Variants in HASPIN observed in about 807,000 individuals in gnomAD.
The protein encoded by HASPIN is histone H3 associated protein kinase.
A neutral mutation model predicts 28.8 loss-of-function variants in HASPIN; 24 were observed. The observed-to-expected ratio is 0.83, with a 90% confidence interval of 0.60 to 1.17. HASPIN has a LOEUF of 1.17. HASPIN is among the 50% of genes most tolerant of loss of function. The pLI, the probability that HASPIN is intolerant of heterozygous loss-of-function variation, is 0.00. For synonymous variants in HASPIN, 440 were observed against 413.1 expected, an observed-to-expected ratio of 1.07 and a Z score of -0.79; for missense variants, 1,016 against 1,018.5, an observed-to-expected ratio of 1.00 and a Z score of 0.03.
rs1441482764 is a variant in HASPIN, at chr17:3,726,403, C to T, written c.*71C>T. 7 of 1,082,422 alleles carry T rather than the reference C, an allele frequency of 6.5e-6. No homozygotes were observed. The highest frequency in any genetic ancestry group is 4.6e-5 in the South Asian group (3 of 65,048). The allele number at this position is 1,082,422 out of a possible 1,614,324, so 67.1% of individuals were successfully genotyped here. A position where few individuals can be genotyped will look rare whatever the true frequency, so the allele number is the denominator to read the frequency against. On this transcript the variant is annotated 3_prime_UTR_variant, in exon 1 of 1. Transcript: ENST00000325418. The stretch of plus-strand genomic sequence containing the variant: ...AAGCCTCTGGTGCTGTTTCAACCTC[C>T]ATCCCCACAGGAGGGTGGAACTCCC...
chr17:3,724,234 G>A lies in HASPIN; in HGVS notation c.299G>A (p.Arg100His). The change falls in exon 1 of 1, where the codon CGC becomes CAC. Residue 100 changes from arginine to histidine, a missense_variant. Coordinates refer to ENST00000325418, the MANE Select transcript of HASPIN (RefSeq NM_031965.2). ...CCCAGCCTGACCGTGACCCCAAAGC[G>A]CTGGAAGCTGCGAGCTCGCCCAAGC... ...DRPSLTVTPK[R>H]WKLRARPSLT... The A allele has an allele frequency of 1.9e-6, 3 of 1,593,214 alleles. No individual in the cohort carries two copies. Among genetic ancestry groups the A allele is most frequent in the Non-Finnish European group, 2.5e-6 (3 of 1,177,202 alleles).
At position 3,724,569 on chromosome 17, in the gene HASPIN, C is replaced by T. The variant is rs1275210330; in HGVS notation, c.634C>T (p.Leu212=). 2 of 1,614,058 alleles carry T rather than the reference C, an allele frequency of 1.2e-6. No individual in the cohort carries two copies. Among genetic ancestry groups the T allele is most frequent in the African/African-American group, 1.3e-5 (1 of 74,928 alleles). The change falls in exon 1 of 1, where the codon CTG becomes TTG. Residue 212 remains leucine, a synonymous_variant. Coordinates refer to ENST00000325418, the MANE Select transcript of HASPIN (RefSeq NM_031965.2). ...CGGCCTCCACCTCCCAGAAGTCTCC[C>T]TGGACCGAGCATCTCTCCCCTGCTC... ...PSGLHLPEVS[L]DRASLPCSQE...
Position 3,724,116 on chromosome 17 carries a change from G to T in HASPIN, c.181G>T (p.Asp61Tyr). The change falls in exon 1 of 1, where the codon GAC becomes TAC. Residue 61 changes from aspartate to tyrosine, a missense_variant. Physicochemically the swap from Asp to Tyr is radical, Grantham distance 160. Transcript: ENST00000325418. ...CAGCATCGGCGACCCCTCGCAGTCC[G>T]ACGATCCTGACGATCCCGACGACCC... ...DASIGDPSQS[D>Y]DPDDPDDPDF... 1 of 1,593,812 alleles carries T rather than the reference G, an allele frequency of 6.3e-7. No individual in the cohort carries two copies.
At position 3,726,152 on chromosome 17, in the gene HASPIN, T is replaced by A. The variant is rs760804383; in HGVS notation, c.2217T>A (p.Tyr739Ter). The change falls in exon 1 of 1, where the codon TAT (tyrosine) becomes TAA (stop). Residue 739 changes from tyrosine (Y) to a stop codon, truncating the protein, a stop_gained. Transcript: ENST00000325418. LOFTEE classifies it high-confidence loss of function. ...NNNRWGEYHP[Y>*]SNVLWLHYLT... ...ACCGCTGGGGTGAATATCACCCTTA[T>A]AGTAATGTGCTCTGGTTACATTACC... The A allele has an allele frequency of 6.2e-7, 1 of 1,614,226 alleles. No homozygotes were observed. Among genetic ancestry groups the A allele is most frequent in the Non-Finnish European group, 8.5e-7 (1 of 1,180,034 alleles).
rs373236598 is a variant in HASPIN at position 3,726,026 on chromosome 17, G to T, written c.2091G>T (p.Gly697=). 6.2e-7 allele frequency: 1 copy of T among 1,614,132 alleles called. No individual in the cohort carries two copies. Among genetic ancestry groups the T allele is most frequent in the Non-Finnish European group, 8.5e-7 (1 of 1,180,040 alleles). Residue 697 remains glycine, a synonymous_variant, in exon 1 of 1, where the codon GGG becomes GGT. Coordinates refer to ENST00000325418, the MANE Select transcript of HASPIN (RefSeq NM_031965.2). The part of the protein sequence containing the change: ...DYTLSRLERD[G]IVVFCDVSMD... ...CCCTGTCGCGCTTGGAACGGGATGG[G>T]ATTGTGGTTTTCTGTGACGTTTCCA...
In HASPIN at chr17:3,726,283, A is replaced by T; in HGVS notation, c.2348A>T (p.Asn783Ile). Residue 783 changes from asparagine (N) to isoleucine (I), a missense_variant, in exon 1 of 1, where the codon AAC becomes ATC. Physicochemically the swap from Asn to Ile is moderately radical, Grantham distance 149. This residue lies in a region of HASPIN where 129 missense variants were observed against 156.2 expected (regional missense o/e 0.83). Coordinates refer to ENST00000325418, the MANE Select transcript of HASPIN (RefSeq NM_031965.2). The part of the protein sequence containing the change: ...KIQEFHRTML[N>I]FSSATDLLCQ... ...CAGGAGTTCCACAGGACAATGCTGA[A>T]CTTCAGCTCTGCCACTGACTTGCTC... 1 of 1,614,102 alleles carries T rather than the reference A, an allele frequency of 6.2e-7. No homozygotes were observed. The highest frequency in any genetic ancestry group is 1.3e-5 in the African/African-American group (1 of 75,050).
Position 3,724,788 on chromosome 17 carries a change from G to C in HASPIN, c.853G>C (p.Gly285Arg), listed in dbSNP as rs752049306. ...GGTGGGAAATGGACCAGAGGGTCCA[G>C]GTCTGTCAAGCACAGGCAAGAGGAG... ...LVVGNGPEGP[G>R]LSSTGKRRAT... is the part of the protein sequence containing the mutation. Residue 285 changes from glycine to arginine, a missense_variant, in exon 1 of 1, where the codon GGT becomes CGT. Around this residue, in one of 3 missense-constraint regions of HASPIN, gnomAD observed 881 missense variants for 845.5 expected, o/e 1.04. Coordinates refer to ENST00000325418, the MANE Select transcript of HASPIN (RefSeq NM_031965.2). 6.2e-7 allele frequency: 1 copy of C among 1,614,200 alleles called. No homozygotes were observed.
rs1359161397 is a variant in HASPIN at position 3,724,973 on chromosome 17, G to A, written c.1038G>A (p.Thr346=). The A allele has an allele frequency of 6.2e-7, 1 of 1,614,154 alleles. No homozygotes were observed. Among genetic ancestry groups the A allele is most frequent in the East Asian group, 2.2e-5 (1 of 44,894 alleles). The change falls in exon 1 of 1, where the codon ACG becomes ACA. Residue 346 remains threonine, a synonymous_variant. Transcript: ENST00000325418. The part of the protein sequence containing the change: ...SSRKSKHQEA[T]ETSLLHSHRF... ...GGAAGAGCAAACATCAGGAGGCAACGGAAACCTCTCTCCTCCATTCCCACC... is the reference window on the plus strand; with the variant it reads ...GGAAGAGCAAACATCAGGAGGCAACAGAAACCTCTCTCCTCCATTCCCACC...
In HASPIN at chr17:3,723,996, G is replaced by A. The variant is rs754421400; in HGVS notation, c.61G>A (p.Gly21Ser). The A allele has an allele frequency of 6.3e-7, 1 of 1,595,116 alleles. No individual in the cohort carries two copies. Among genetic ancestry groups the A allele is most frequent in the Non-Finnish European group, 8.5e-7 (1 of 1,173,722 alleles). ...TTTCCGCACATATGGGGCTGCGGAC[G>A]GCAGGAGACAGCGGCGGCCGGGCCG... is the stretch of plus-strand genomic sequence containing the variant. ...RLFRTYGAAD[G>S]RRQRRPGREA... The change falls in exon 1 of 1, where the codon GGC becomes AGC. Residue 21 changes from glycine to serine, a missense_variant. Around this residue, in one of 3 missense-constraint regions of HASPIN, gnomAD observed 881 missense variants for 845.5 expected, o/e 1.04. Coordinates refer to ENST00000325418, the MANE Select transcript of HASPIN (RefSeq NM_031965.2).
chr17:3,724,318 C>T lies in HASPIN; in HGVS notation c.383C>T (p.Thr128Ile). 1.9e-6 allele frequency: 3 copies of T among 1,587,314 alleles called. No individual in the cohort carries two copies. The highest frequency in any genetic ancestry group is 1.7e-6 in the Non-Finnish European group (2 of 1,173,178). The change falls in exon 1 of 1, where the codon ACA (threonine) becomes ATA (isoleucine). Residue 128 changes from threonine (T) to isoleucine (I), a missense_variant. This residue lies in a region of HASPIN where 881 missense variants were observed against 845.5 expected (regional missense o/e 1.04). Coordinates refer to ENST00000325418, the MANE Select transcript of HASPIN (RefSeq NM_031965.2). ...GCTCGGCCCCCGCAGAAGTGCAGCACACCCTGCGGCCCGCTCCGACTTCCG... is the reference window on the plus strand; with the variant it reads ...GCTCGGCCCCCGCAGAAGTGCAGCATACCCTGCGGCCCGCTCCGACTTCCG... ...LRARPPQKCS[T>I]PCGPLRLPPF...
Position 3,726,571 on chromosome 17 carries a change from T to C in HASPIN, c.*239T>C. 1 of 489,872 alleles carries C rather than the reference T, an allele frequency of 2.0e-6. No homozygotes were observed. Among genetic ancestry groups the C allele is most frequent in the East Asian group, 3.4e-5 (1 of 29,494 alleles). 30.3% of individuals were successfully genotyped at this position (489,872 alleles called of 1,614,324 possible). ...AGCCGGGCACAGTGGCGTGCGCCTG[T>C]AGTCCCAGCTACTCGGGAGGCTGAG... On this transcript the variant is annotated 3_prime_UTR_variant, in exon 1 of 1. Transcript: ENST00000325418.
At position 3,725,926 on chromosome 17, in the gene HASPIN, AACTCCACT is replaced by A; in HGVS notation, c.1994_2001del (p.Leu665HisfsTer20). On this transcript the variant is annotated frameshift_variant, in exon 1 of 1. Transcript: ENST00000325418. LOFTEE classifies it high-confidence loss of function. The stretch of plus-strand genomic sequence containing the variant: ...CTCTTAAAGAAAACCAGCCTCAAAA[AACTCCACT>A]ACACCCTCAATGGGAAGAGCAGCAC... 6.2e-7 allele frequency: 1 copy of A among 1,613,548 alleles called. No homozygotes were observed. Among genetic ancestry groups the A allele is most frequent in the Non-Finnish European group, 8.5e-7 (1 of 1,179,984 alleles).
At position 3,724,098 on chromosome 17, in the gene HASPIN, G is replaced by C. The variant is rs1282457480; in HGVS notation, c.163G>C (p.Gly55Arg). 3 of 1,594,452 alleles carry C rather than the reference G, an allele frequency of 1.9e-6. No homozygotes were observed. The Admixed American group carries it at 5.0e-5, about 27-fold the overall frequency. The change falls in exon 1 of 1, where the codon GGC (glycine) becomes CGC (arginine). Residue 55 changes from glycine to arginine, a missense_variant. By Grantham distance (125) the Gly-to-Arg change is moderately radical (BLOSUM62 -2). Around this residue, in one of 3 missense-constraint regions of HASPIN, gnomAD observed 881 missense variants for 845.5 expected, o/e 1.04. Coordinates refer to ENST00000325418, the MANE Select transcript of HASPIN (RefSeq NM_031965.2). The part of the protein sequence containing the change: ...NSSGSSDASI[G>R]DPSQSDDPDD... ...CAGCGGCAGCAGCGACGCCAGCATC[G>C]GCGACCCCTCGCAGTCCGACGATCC...
In HASPIN at chr17:3,724,359, G is replaced by A; in HGVS notation, c.424G>A (p.Asp142Asn). Residue 142 changes from aspartate to asparagine, a missense_variant, in exon 1 of 1, where the codon GAC becomes AAC. Physicochemically the swap from Asp to Asn is conservative, Grantham distance 23. Transcript: ENST00000325418. Reference sequence around the variant, plus strand: ...CCGACTTCCGCCCTTCCCCAGCCGCGACTCCGGCCGCCTCAGCCCGGACCT... The same window carrying A: ...CCGACTTCCGCCCTTCCCCAGCCGCAACTCCGGCCGCCTCAGCCCGGACCT... ...PLRLPPFPSR[D>N]SGRLSPDLSV... is the part of the protein sequence containing the mutation. 6.2e-7 allele frequency: 1 copy of A among 1,601,314 alleles called. No individual in the cohort carries two copies. The highest frequency in any genetic ancestry group is 8.5e-7 in the Non-Finnish European group (1 of 1,176,810).
In HASPIN at chr17:3,723,995, C is replaced by T. The variant is rs1429737856; in HGVS notation, c.60C>T (p.Asp20=). 5.6e-6 allele frequency: 9 copies of T among 1,594,640 alleles called. No homozygotes were observed. The highest frequency in any genetic ancestry group is 5.1e-6 in the Non-Finnish European group (6 of 1,173,460). Residue 20 remains aspartate, a synonymous_variant, in exon 1 of 1, where the codon GAC becomes GAT. Coordinates refer to ENST00000325418, the MANE Select transcript of HASPIN (RefSeq NM_031965.2). ...TTTTCCGCACATATGGGGCTGCGGA[C>T]GGCAGGAGACAGCGGCGGCCGGGCC... The part of the protein sequence containing the change: ...SRLFRTYGAA[D]GRRQRRPGRE...
In HASPIN at chr17:3,724,118, C is replaced by T. The variant is rs1186439772; in HGVS notation, c.183C>T (p.Asp61=). The change falls in exon 1 of 1, where the codon GAC becomes GAT. Residue 61 remains aspartate (D), a synonymous_variant. Transcript: ENST00000325418. ...DASIGDPSQS[D]DPDDPDDPDF... ...GCATCGGCGACCCCTCGCAGTCCGA[C>T]GATCCTGACGATCCCGACGACCCCG... The T allele has an allele frequency of 1.3e-6, 2 of 1,593,952 alleles. No individual in the cohort carries two copies. Among genetic ancestry groups the T allele is most frequent in the African/African-American group, 1.4e-5 (1 of 73,524 alleles).
In HASPIN at chr17:3,726,158, T is replaced by C. The variant is rs1388765681; in HGVS notation, c.2223T>C (p.Asn741=). 3 of 1,614,188 alleles carry C rather than the reference T, an allele frequency of 1.9e-6. No homozygotes were observed. Among genetic ancestry groups the C allele is most frequent in the Admixed American group, 1.7e-5 (1 of 60,016 alleles). The change falls in exon 1 of 1, where the codon AAT becomes AAC. Residue 741 remains asparagine (N), a synonymous_variant. Coordinates refer to ENST00000325418, the MANE Select transcript of HASPIN (RefSeq NM_031965.2). The part of the protein sequence containing the change: ...NRWGEYHPYS[N]VLWLHYLTDK... ...GGGGTGAATATCACCCTTATAGTAATGTGCTCTGGTTACATTACCTGACAG... is the reference window on the plus strand; with the variant it reads ...GGGGTGAATATCACCCTTATAGTAACGTGCTCTGGTTACATTACCTGACAG...
At position 3,724,217 on chromosome 17, in the gene HASPIN, G is replaced by A; in HGVS notation, c.282G>A (p.Leu94=). 6.3e-7 allele frequency: 1 copy of A among 1,593,602 alleles called. No homozygotes were observed. The highest frequency in any genetic ancestry group is 8.5e-7 in the Non-Finnish European group (1 of 1,177,344). Reference sequence around the variant, plus strand: ...GAGTGCCCAAGGACCGGCCCAGCCTGACCGTGACCCCAAAGCGCTGGAAGC... The same window carrying A: ...GAGTGCCCAAGGACCGGCCCAGCCTAACCGTGACCCCAAAGCGCTGGAAGC... The part of the protein sequence containing the change: ...GGRVPKDRPS[L]TVTPKRWKLR... Residue 94 remains leucine (L), a synonymous_variant, in exon 1 of 1, where the codon CTG becomes CTA. Transcript: ENST00000325418.
chr17:3,725,890 G>A lies in HASPIN; in HGVS notation c.1955G>A (p.Trp652Ter). 1 of 1,612,458 alleles carries A rather than the reference G, an allele frequency of 6.2e-7. No individual in the cohort carries two copies. The highest frequency in any genetic ancestry group is 8.5e-7 in the Non-Finnish European group (1 of 1,179,990). Residue 652 changes from tryptophan (W) to a stop codon, truncating the protein, a stop_gained, in exon 1 of 1, where the codon TGG becomes TAG. Transcript: ENST00000325418. LOFTEE classifies it high-confidence loss of function. ...CGCTTTGAGCACCGAGACTTACACT[G>A]GGGGAACGTGCTCTTAAAGAAAACC... ...SLRFEHRDLH[W>*]GNVLLKKTSL...
Sources: gnomAD v4.1 joint callset for allele counts on GRCh38, gnomAD v4.1.1 for gene constraint, gnomAD v4.1.1 regional missense constraint, MANE v1.5 for transcripts, NCBI Gene and HGNC (gene_info 2026-07-23, HGNC 2026-07-21) for gene names.